Variants in EPHA6 observed in about 807,000 individuals in gnomAD.
The protein encoded by EPHA6 is EPH receptor A6.
Under a neutral mutation model 112.0 loss-of-function variants are expected in EPHA6, and 50 were observed. That is an observed-to-expected ratio of 0.45 (90% CI 0.36 to 0.56). The LOEUF (loss-of-function observed/expected upper bound fraction) is 0.56. Ranked by LOEUF, EPHA6 falls within the 20% of genes least tolerant of loss-of-function variation. The probability of loss-of-function intolerance (pLI) is 0.00; values close to 1 mark genes in which losing one functional copy is unlikely to be tolerated. For synonymous variants in EPHA6, 529 were observed against 490.7 expected (o/e 1.08, Z -1.03); for missense variants, 1,280 against 1,417.4 (o/e 0.90, Z 1.56).
chr3:97,550,679 T>C (rs2093017718), intron 11 of EPHA6, among the ~76,000 whole-genome samples: 1 of 152,180 alleles, frequency 6.6e-6, no homozygotes, highest in Non-Finnish European at 1.5e-5. Flanking sequence ...ATATGAATGG[T>C]ACCAGGAAGA....
At chr3:97,270,843 A>G (rs773554614) in intron 5 of EPHA6, among the ~76,000 whole-genome samples, 10 of 152,226 alleles carry the variant, frequency 6.6e-5, no homozygotes, top group Non-Finnish European at 1.0e-4. Flanking sequence ...AAGAAGCACA[A>G]TATTATGAAC....
At chr3:96,921,402 T>C (rs573342891) in intron 2 of EPHA6, among the ~76,000 whole-genome samples, 1 of 152,270 alleles carries the variant, frequency 6.6e-6, no homozygotes, top group South Asian at 2.1e-4. Flanking sequence ...ATTTAAATCA[T>C]GCATTTTAAA....
At chr3:97,526,521 G>T (rs1461367032) in intron 10 of EPHA6, among the ~76,000 whole-genome samples, 2 of 152,214 alleles carry the variant, frequency 1.3e-5, no homozygotes, top group African/African-American at 4.8e-5. Flanking sequence ...TATGTGGTCA[G>T]GATTGCTCAT....
At chr3:97,173,188 T>C (rs2076745885) in intron 3 of EPHA6, among the ~76,000 whole-genome samples, 2 of 152,006 alleles carry the variant, frequency 1.3e-5, no homozygotes, top group Non-Finnish European at 2.9e-5. Flanking sequence ...ATGTGAAATG[T>C]CATAAAGTGC....
chr3:97,269,647 T>G (rs185028137), intron 5 of EPHA6, among the ~76,000 whole-genome samples: 5 of 152,204 alleles, frequency 3.3e-5, no homozygotes, highest in Non-Finnish European at 7.3e-5. Context: ...GATATTCTGA[T>G]GTAACACAAC....
chr3:97,139,893 A>G (rs1027326543), intron 3 of EPHA6, among the ~76,000 whole-genome samples: 1 of 152,160 alleles, frequency 6.6e-6, no homozygotes, highest in South Asian at 2.1e-4. Context: ...GCTCAATGAG[A>G]TCCAAGAAAA....
At chr3:97,678,407 A>G (rs2031583052) in intron 14 of EPHA6, among the ~76,000 whole-genome samples, 1 of 152,168 alleles carries the variant, frequency 6.6e-6, no homozygotes, top group African/African-American at 2.4e-5. Context: ...TTTGAAGACT[A>G]CAAAGTAGAA....
At chr3:97,475,252 G>A in intron 7 of EPHA6, 100 bp from the exon 8 acceptor site, 1 of 825,544 alleles carries the variant, frequency 1.2e-6, no homozygotes, top group Non-Finnish European at 1.9e-6. Flanking sequence ...TACTGAGCTT[G>A]GCATCCGTTA....
chr3:96,963,917 C>T (rs2042033167), intron 2 of EPHA6, among the ~76,000 whole-genome samples: 1 of 152,008 alleles, frequency 6.6e-6, no homozygotes, highest in Non-Finnish European at 1.5e-5. Flanking sequence ...GCCTTTATTC[C>T]AGACATCCAA....
chr3:97,351,860 A>G (rs2083831107), intron 5 of EPHA6, among the ~76,000 whole-genome samples: 1 of 152,196 alleles, frequency 6.6e-6, no homozygotes, highest in South Asian at 2.1e-4. Context: ...CATTACTAAT[A>G]TAGGATAGCT....
At chr3:97,718,519 C>T (rs1402244431) in intron 14 of EPHA6, among the ~76,000 whole-genome samples, 3 of 151,704 alleles carry the variant, frequency 2.0e-5, no homozygotes, top group Non-Finnish European at 4.4e-5. Flanking sequence ...CCAAAAAATT[C>T]CCTTGTGGAA....
chr3:96,919,503 A>G (rs534115825), intron 2 of EPHA6, among the ~76,000 whole-genome samples: 5 of 151,878 alleles, frequency 3.3e-5, no homozygotes, highest in African/African-American at 2.4e-5. Flanking sequence ...AAAATGACTC[A>G]TTTAGTTACT....
At position 97,479,376 on chromosome 3, in the gene EPHA6, A is replaced by G. The variant is rs370095588; in HGVS notation, c.2074+12A>G. ...ACAGAATGGGCATTGTAAGTAGCGC[A>G]GGGACTTTCTTTCATTATTTTGTAC... is the stretch of plus-strand genomic sequence containing the variant. On this transcript the variant is annotated intron_variant, in intron 9 of 17. Coordinates refer to ENST00000389672, the MANE Select transcript of EPHA6 (RefSeq NM_001080448.3). 3 of 1,579,822 alleles carry G rather than the reference A, an allele frequency of 1.9e-6. No individual in the cohort carries two copies. In the South Asian group the frequency reaches 3.5e-5, roughly 18 times the overall value.
intron 5 of EPHA6, among the ~76,000 whole-genome samples, chr3:97,376,024 G>A (rs1161189936): frequency 6.6e-6 from 1 of 152,084 alleles, no homozygotes; most frequent in African/African-American, 2.4e-5. Flanking sequence ...CTTTATGAAA[G>A]ATCATCAAAT....
At chr3:96,833,855 G>A (rs1204478981) in intron 1 of EPHA6, among the ~76,000 whole-genome samples, 1 of 151,724 alleles carries the variant, frequency 6.6e-6, no homozygotes, top group Non-Finnish European at 1.5e-5. Flanking sequence ...TCATCCTATT[G>A]TGCTACAAAT....
intron 5 of EPHA6, among the ~76,000 whole-genome samples, chr3:97,360,454 A>C (rs1275496200): frequency 6.6e-6 from 1 of 152,216 alleles, no homozygotes. Flanking sequence ...ACATAATTTG[A>C]ATATTAATTT....
intron 1 of EPHA6, among the ~76,000 whole-genome samples, chr3:96,846,136 G>T (rs558148242): frequency 6.6e-6 from 1 of 151,980 alleles, no homozygotes; most frequent in Admixed American, 6.6e-5. Flanking sequence ...TAAATCAAAG[G>T]CAAGTATTTT....
intron 3 of EPHA6, among the ~76,000 whole-genome samples, chr3:97,196,171 T>C (rs2077436801): frequency 6.6e-6 from 1 of 151,650 alleles, no homozygotes; most frequent in East Asian, 1.9e-4. Context: ...TCCTTGTTTT[T>C]TTTTTCTTTT....
At chr3:96,907,235 G>A (rs1053153752) in intron 2 of EPHA6, among the ~76,000 whole-genome samples, 2 of 151,666 alleles carry the variant, frequency 1.3e-5, no homozygotes, top group African/African-American at 2.4e-5. Flanking sequence ...TTAAATCTAA[G>A]TATTTTAAGA....
Sources: allele counts gnomAD v4.1 joint callset (sites outside exome capture counted in the v4.1 genomes callset), GRCh38; gene constraint gnomAD v4.1.1; transcripts MANE v1.5; gene names NCBI Gene and HGNC (gene_info 2026-07-23, HGNC 2026-07-21).